MINDY4: variants seen among roughly 807,000 people sequenced by gnomAD.
MINDY4 encodes MINDY lysine 48 deubiquitinase 4.
In MINDY4, 68 loss-of-function variants were observed where a neutral mutation model predicts 87.0. That is an observed-to-expected ratio of 0.78 (90% confidence interval 0.64 to 0.96). MINDY4 has a LOEUF of 0.96. Among genes scored for constraint, MINDY4 ranks in the 40% least tolerant of loss-of-function variants. The pLI, the probability that MINDY4 is intolerant of heterozygous loss-of-function variation, is 0.00. For missense variants in MINDY4, 919 were observed against 928.2 expected, an observed-to-expected ratio of 0.99 and a Z score of 0.13; for synonymous variants, 379 against 363.2, an observed-to-expected ratio of 1.04 and a Z score of -0.50.
Position 30,892,225 on chromosome 7 carries a change from A to ACAG in MINDY4, c.*221_*222insAGC, listed in dbSNP as rs1790811679. 8.9e-6 allele frequency: 5 copies of ACAG among 561,288 alleles called. No individual in the cohort carries two copies. Among genetic ancestry groups the ACAG allele is most frequent in the Non-Finnish European group, 1.3e-5 (4 of 314,890 alleles). The allele number at this position is 561,288 out of a possible 1,614,324, so 34.8% of individuals were successfully genotyped here. On this transcript the variant is annotated 3_prime_UTR_variant, in exon 18 of 18. Coordinates refer to ENST00000265299, the MANE Select transcript of MINDY4 (RefSeq NM_032222.3). ...TGGGTCCCCTCCCAGCTGAGCTGTG[A>ACAG]CTGCTGAGTACTGGAAGGAGGTTGC...
chr7:30,863,428 G>T (rs1033926889), intron 13 of MINDY4, among the ~76,000 whole-genome samples: 15 of 152,170 alleles, frequency 9.9e-5, no homozygotes, highest in Non-Finnish European at 8.8e-5. Flanking sequence ...GGGTGTTGGT[G>T]GTTGTGTTGG....
intron 5 of MINDY4, among the ~76,000 whole-genome samples, chr7:30,810,247 G>A (rs1187155054): frequency 6.7e-6 from 1 of 149,628 alleles, no homozygotes; most frequent in Admixed American, 6.7e-5. Context: ...AGAGTTGTCT[G>A]CGAAAGTCGT....
chr7:30,853,389 C>T lies in MINDY4; in HGVS notation c.1612-5C>T, dbSNP rs200411106. The T allele has an allele frequency of 1.1e-5, 18 of 1,612,980 alleles. No homozygotes were observed. The East Asian group carries it at 4.0e-4, about 36-fold the overall frequency. ...CACTCATCCTGAGTGTTTGTGTCTT[C>T]TCAGCTTACGCTTCACAGTTTGACC... On this transcript the variant is annotated splice_polypyrimidine_tract_variant and splice_region_variant and intron_variant, in intron 11 of 17. Coordinates refer to ENST00000265299, the MANE Select transcript of MINDY4 (RefSeq NM_032222.3).
chr7:30,823,537 A>G (rs144769522), intron 5 of MINDY4, among the ~76,000 whole-genome samples: 22 of 152,242 alleles, frequency 1.4e-4, no homozygotes, highest in African/African-American at 4.6e-4. Context: ...TGTATCATCT[A>G]TCACCATTGT....
intron 5 of MINDY4, among the ~76,000 whole-genome samples, chr7:30,795,765 C>T (rs955473111): frequency 6.6e-6 from 1 of 152,206 alleles, no homozygotes; most frequent in African/African-American, 2.4e-5. Flanking sequence ...GTTTCTTTGC[C>T]TTTTCCAGGT....
intron 16 of MINDY4, 25 bp from the exon 17 acceptor site, chr7:30,882,896 T>A: frequency 6.2e-7 from 1 of 1,612,024 alleles, no homozygotes; most frequent in Non-Finnish European, 8.5e-7. Flanking sequence ...GGGTGACATG[T>A]GTGTGCCTCT....
chr7:30,891,571 G>A (rs1584364999), intron 17 of MINDY4, among the ~76,000 whole-genome samples: 1 of 152,160 alleles, frequency 6.6e-6, no homozygotes, highest in Non-Finnish European at 1.5e-5. Flanking sequence ...GCCATATCTA[G>A]GACTGCACAG....
chr7:30,830,697 A>G (rs528193914), intron 6 of MINDY4, among the ~76,000 whole-genome samples: 1 of 152,316 alleles, frequency 6.6e-6, no homozygotes, highest in South Asian at 2.1e-4. Context: ...TGTGGGGATG[A>G]TGGGAACTAC....
intron 13 of MINDY4, among the ~76,000 whole-genome samples, chr7:30,868,408 T>TA (rs1027752420): frequency 1.4e-4 from 21 of 152,282 alleles, no homozygotes; most frequent in Admixed American, 1.4e-3. Flanking sequence ...CTCCTGGCCT[T>TA]ACAAGGCTTT....
At chr7:30,882,701 G>T (rs1003578836) in intron 16 of MINDY4, among the ~76,000 whole-genome samples, 6 of 151,898 alleles carry the variant, frequency 4.0e-5, no homozygotes, top group African/African-American at 1.5e-4. Context: ...GATCAGAAGT[G>T]TTTTTAGAAA....
Position 30,791,305 on chromosome 7 carries a change from C to G in MINDY4, c.804C>G (p.Ser268=), listed in dbSNP as rs1049903498. The G allele has an allele frequency of 6.2e-7, 1 of 1,614,196 alleles. No individual in the cohort carries two copies. The highest frequency in any genetic ancestry group is 8.5e-7 in the Non-Finnish European group (1 of 1,180,030). The change falls in exon 5 of 18, where the codon TCC becomes TCG. Residue 268 remains serine (S), a synonymous_variant. Coordinates refer to ENST00000265299, the MANE Select transcript of MINDY4 (RefSeq NM_032222.3). ...TGGCTTCGAGCAACAGCTCCCCCTC[C>G]AGGACCTCCCTGGGTCAGCTTAGTG... ...DILASSNSSP[S]RTSLGQLSEL...
chr7:30,788,202 G>T (rs1787212928), intron 4 of MINDY4, among the ~76,000 whole-genome samples: 1 of 152,182 alleles, frequency 6.6e-6, no homozygotes, highest in African/African-American at 2.4e-5. Context: ...CTGGAAAAGG[G>T]AAAGTATTTT....
chr7:30,840,050 C>T (rs1304950146), intron 8 of MINDY4, among the ~76,000 whole-genome samples: 1 of 152,102 alleles, frequency 6.6e-6, no homozygotes, highest in Admixed American at 6.5e-5. Flanking sequence ...CCTCTTGTGG[C>T]CAAACTCAGC....
intron 5 of MINDY4, among the ~76,000 whole-genome samples, chr7:30,821,389 T>C (rs1033996900): frequency 6.6e-6 from 1 of 152,240 alleles, no homozygotes; most frequent in Non-Finnish European, 1.5e-5. Context: ...AATTTCAAAG[T>C]TGACAGTTTT....
intron 15 of MINDY4, among the ~76,000 whole-genome samples, chr7:30,881,035 C>T (rs531914436): frequency 2.0e-5 from 3 of 152,172 alleles, no homozygotes; most frequent in Non-Finnish European, 4.4e-5. Flanking sequence ...AAAAATAATT[C>T]CCATTCTTTC....
intron 1 of MINDY4, among the ~76,000 whole-genome samples, chr7:30,772,409 T>C (rs1584217851): frequency 6.6e-6 from 1 of 152,312 alleles, no homozygotes; most frequent in African/African-American, 2.4e-5. Flanking sequence ...TGCTACTAGT[T>C]TGCAGTGTGA....
chr7:30,791,231 G>GAGAGCC lies in MINDY4; in HGVS notation c.731_736dup (p.Ser245_Arg246insGlnSer). The GAGAGCC allele has an allele frequency of 1.2e-6, 2 of 1,614,136 alleles. No individual in the cohort carries two copies. Among genetic ancestry groups the GAGAGCC allele is most frequent in the Non-Finnish European group, 1.7e-6 (2 of 1,180,022 alleles). On this transcript the variant is annotated inframe_insertion, in exon 5 of 18. Coordinates refer to ENST00000265299, the MANE Select transcript of MINDY4 (RefSeq NM_032222.3). The stretch of plus-strand genomic sequence containing the variant: ...AAGCAGCTCCACCCAACCCCAAGAA[G>GAGAGCC]AGAGCCGGAAGGTCCCTGAGCTCTT...
intron 2 of MINDY4, chr7:30,780,805 G>A (rs1485671987): frequency 6.6e-6 from 1 of 152,050 alleles, no homozygotes; most frequent in Non-Finnish European, 1.5e-5. Flanking sequence ...GCAATTCAGG[G>A]GCTTAAGTCT....
At chr7:30,822,509 T>C (rs1030404656) in intron 5 of MINDY4, among the ~76,000 whole-genome samples, 4 of 152,208 alleles carry the variant, frequency 2.6e-5, no homozygotes, top group Admixed American at 2.0e-4. Context: ...TTATCTGACA[T>C]GTAGCCCATA....
Sources: gnomAD v4.1 joint callset for allele counts (sites outside exome capture counted in the v4.1 genomes callset) on GRCh38, gnomAD v4.1.1 for gene constraint, MANE v1.5 for transcripts, NCBI Gene and HGNC (gene_info 2026-07-23, HGNC 2026-07-21) for gene names.